The following CSMD1 variants were observed in gnomAD, a reference collection of about 807,000 sequenced individuals.
The protein encoded by CSMD1 is CUB and sushi domain-containing protein 1.
A neutral mutation model predicts 417.5 loss-of-function variants in CSMD1; 213 were observed. The observed-to-expected ratio is 0.51, with a 90% CI of 0.46 to 0.57. The LOEUF is 0.57. CSMD1 is among the 20% of genes least tolerant of loss of function. The pLI is 0.00. For synonymous variants in CSMD1, 2,862 were observed against 1,736.8 expected (o/e 1.65, Z -16.11); for missense variants, 6,923 against 4,529.7 (o/e 1.53, Z -15.17).
rs192388735 is a variant in CSMD1, at chr8:3,099,088, C to A, written c.6950-2051G>T. ...AATGCCCTGCAACTCTTCTCCGTGC[C>A]GTTCACCCTTCCCCCAAGCCTCTTT... On this transcript the variant is annotated intron_variant, in intron 46 of 69. Coordinates refer to ENST00000635120, the MANE Select transcript of CSMD1 (RefSeq NM_033225.6). 4.9e-3 allele frequency among the ~76,000 whole-genome samples: 740 copies of A among 152,030 alleles called. 6 individuals are homozygous for A. The highest frequency in any genetic ancestry group is 0.017 in the African/African-American group (685 of 41,474).
intron 1 of CSMD1, among the ~76,000 whole-genome samples, chr8:4,674,553 T>A (rs140639325): frequency 6.6e-6 from 1 of 152,104 alleles, no homozygotes; most frequent in Non-Finnish European, 1.5e-5. Flanking sequence ...CATAATAGTA[T>A]TGAACAAAGA....
At chr8:3,225,791 G>T (rs530956771) in intron 27 of CSMD1, among the ~76,000 whole-genome samples, 1 of 152,302 alleles carries the variant, frequency 6.6e-6, no homozygotes, top group African/African-American at 2.4e-5. Flanking sequence ...GGCCCTGTTT[G>T]TTCTCTCTTT....
At chr8:4,975,702 G>A (rs1450813371) in intron 1 of CSMD1, among the ~76,000 whole-genome samples, 2 of 152,168 alleles carry the variant, frequency 1.3e-5, no homozygotes, top group Non-Finnish European at 2.9e-5. Context: ...TTACCATTGT[G>A]AGCTCTTCAG....
chr8:3,991,651 T>A (rs1189867442), intron 5 of CSMD1, among the ~76,000 whole-genome samples: 1 of 152,210 alleles, frequency 6.6e-6, no homozygotes, highest in Non-Finnish European at 1.5e-5. Context: ...TTTCTTTGTA[T>A]GCACTAAGGC....
At chr8:3,804,333 T>C (rs148452276) in intron 5 of CSMD1, among the ~76,000 whole-genome samples, 1 of 152,180 alleles carries the variant, frequency 6.6e-6, no homozygotes, top group Non-Finnish European at 1.5e-5. Context: ...GAAACTCTAA[T>C]GCGTCTTAAA....
chr8:3,260,557 C>G (rs1301997626), intron 26 of CSMD1, among the ~76,000 whole-genome samples: 1 of 149,704 alleles, frequency 6.7e-6, no homozygotes, highest in African/African-American at 2.5e-5. Context: ...GCTTCAATAA[C>G]TACAGAGAGG....
At chr8:3,150,801 A>C (rs1819148435) in intron 40 of CSMD1, among the ~76,000 whole-genome samples, 1 of 152,136 alleles carries the variant, frequency 6.6e-6, no homozygotes. Context: ...TTTCACAAAG[A>C]CCATGCATTT....
chr8:4,985,086 T>C (rs572464576), intron 1 of CSMD1, among the ~76,000 whole-genome samples: 2 of 152,288 alleles, frequency 1.3e-5, no homozygotes, highest in African/African-American at 4.8e-5. Flanking sequence ...CTGGAGGCCA[T>C]TATCCTTATC....
At chr8:4,703,020 G>C (rs1400545375) in intron 1 of CSMD1, among the ~76,000 whole-genome samples, 2 of 152,044 alleles carry the variant, frequency 1.3e-5, no homozygotes, top group Non-Finnish European at 2.9e-5. Context: ...AAAAGAATCT[G>C]GCGATATTTT....
chr8:4,481,831 G>C (rs576349199), intron 2 of CSMD1, among the ~76,000 whole-genome samples: 1 of 152,082 alleles, frequency 6.6e-6, no homozygotes, highest in Non-Finnish European at 1.5e-5. Context: ...AATCCCAGGA[G>C]GTAGGTACTC....
intron 18 of CSMD1, among the ~76,000 whole-genome samples, chr8:3,384,429 C>T (rs927874790): frequency 6.6e-6 from 1 of 151,450 alleles, no homozygotes; most frequent in African/African-American, 2.4e-5. Flanking sequence ...AGACAAAGAT[C>T]TGTTACTAGA....
At chr8:3,786,315 CTCTG>C (rs1053416538) in intron 5 of CSMD1, among the ~76,000 whole-genome samples, 1 of 152,060 alleles carries the variant, frequency 6.6e-6, no homozygotes, top group African/African-American at 2.4e-5. Context: ...GACAAAAATC[CTCTG>C]TCTGTTGGAT....
intron 3 of CSMD1, among the ~76,000 whole-genome samples, chr8:4,384,821 A>G (rs572040861): frequency 6.6e-6 from 1 of 152,286 alleles, no homozygotes; most frequent in East Asian, 1.9e-4. Flanking sequence ...AAATTATGCT[A>G]CCTAATTTGA....
chr8:4,698,522 C>T (rs946610927), intron 1 of CSMD1, among the ~76,000 whole-genome samples: 2 of 151,936 alleles, frequency 1.3e-5, no homozygotes, highest in African/African-American at 4.8e-5. Context: ...TAAAGAAGTC[C>T]ACCTACAGGG....
chr8:3,910,074 G>A (rs868753565), intron 5 of CSMD1, among the ~76,000 whole-genome samples: 1 of 152,150 alleles, frequency 6.6e-6, no homozygotes, highest in Non-Finnish European at 1.5e-5. Flanking sequence ...AAGACCAGCT[G>A]CTAACATGGC....
chr8:4,597,045 A>C (rs1418680459), intron 2 of CSMD1, among the ~76,000 whole-genome samples: 2 of 151,792 alleles, frequency 1.3e-5, no homozygotes, highest in Non-Finnish European at 2.9e-5. Flanking sequence ...AATTCAACCT[A>C]TTTTTCTTCC....
chr8:3,980,336 C>A (rs1057078309), intron 5 of CSMD1, among the ~76,000 whole-genome samples: 29 of 152,016 alleles, frequency 1.9e-4, no homozygotes, highest in Admixed American at 5.9e-4. Context: ...GGAAGCAGTT[C>A]TGAGATAATC....
At chr8:3,399,791 C>A (rs994237579) in intron 15 of CSMD1, among the ~76,000 whole-genome samples, 1 of 152,182 alleles carries the variant, frequency 6.6e-6, no homozygotes, top group Non-Finnish European at 1.5e-5. Flanking sequence ...TCTGTGCTAA[C>A]TGAATTATCT....
intron 3 of CSMD1, among the ~76,000 whole-genome samples, chr8:4,268,081 T>A (rs1368595552): frequency 6.6e-6 from 1 of 152,100 alleles, no homozygotes; most frequent in Non-Finnish European, 1.5e-5. Flanking sequence ...AATCCACAAA[T>A]TGAAACATTG....
Sources: gnomAD v4.1 joint callset for allele counts (sites outside exome capture counted in the v4.1 genomes callset) on GRCh38, gnomAD v4.1.1 for gene constraint, MANE v1.5 for transcripts, NCBI Gene and HGNC (gene_info 2026-07-23, HGNC 2026-07-21) for gene names.